ALDH18A1: variants seen among roughly 807,000 people sequenced by gnomAD.
ALDH18A1 encodes the protein delta-1-pyrroline-5-carboxylate synthase.
A neutral mutation model predicts 88.8 loss-of-function variants in ALDH18A1; 44 were observed. That is an observed-to-expected ratio of 0.50 (90% CI 0.39 to 0.64). The LOEUF (loss-of-function observed/expected upper bound fraction) is 0.64, where lower values mean the gene tolerates loss of function less well. Among genes scored for constraint, ALDH18A1 ranks in the 30% least tolerant of loss-of-function variants. ALDH18A1 has a pLI of 0.00. For missense variants in ALDH18A1, 782 were observed against 1,009.5 expected (o/e 0.77, Z 3.05); for synonymous variants, 331 against 372.1 (o/e 0.89, Z 1.27).
intron 2 of ALDH18A1, among the ~76,000 whole-genome samples, chr10:95,646,728 C>A (rs1348997270): frequency 6.6e-6 from 1 of 152,148 alleles, no homozygotes; most frequent in Non-Finnish European, 1.5e-5. Context: ...TTCTAAGGAA[C>A]TTTTAGGCTC....
intron 11 of ALDH18A1, among the ~76,000 whole-genome samples, chr10:95,623,604 T>G (rs181313128): frequency 6.6e-6 from 1 of 151,900 alleles, no homozygotes; most frequent in Non-Finnish European, 1.5e-5. Flanking sequence ...TTGCTCTTGT[T>G]GTCCAGACTG....
intron 6 of ALDH18A1, 148 bp from the exon 7 acceptor site, chr10:95,633,197 C>A: frequency 1.3e-6 from 1 of 777,944 alleles, no homozygotes; most frequent in South Asian, 1.5e-5. Context: ...CTCTTGCAGG[C>A]CCCTTCTGTC....
intron 11 of ALDH18A1, among the ~76,000 whole-genome samples, chr10:95,623,106 C>A (rs2097855431): frequency 6.6e-6 from 1 of 151,372 alleles, no homozygotes; most frequent in Non-Finnish European, 1.5e-5. Flanking sequence ...AAAATTAAAC[C>A]ATCTTTCTAC....
In ALDH18A1 at chr10:95,653,418, T is replaced by C. The variant is rs1311972278; in HGVS notation, c.-28-13A>G. The C allele has an allele frequency of 2.5e-6, 4 of 1,602,650 alleles. No homozygotes were observed. The East Asian group carries it at 6.7e-5, about 27-fold the overall frequency. On this transcript the variant is annotated splice_polypyrimidine_tract_variant and intron_variant, in intron 1 of 17. Coordinates refer to ENST00000371224, the MANE Select transcript of ALDH18A1 (RefSeq NM_002860.4). The stretch of plus-strand genomic sequence containing the variant: ...CTAACCAAAGTATCTGCAGAATACA[T>C]TTTTTAAAAAGTGAGTAATGAAAAA...
rs1317285293 is a variant in ALDH18A1 at position 95,621,262 on chromosome 10, A to G, written c.1247-11T>C. 5 of 1,607,604 alleles carry G rather than the reference A, an allele frequency of 3.1e-6. No individual in the cohort carries two copies. The highest frequency in any genetic ancestry group is 3.4e-6 in the Non-Finnish European group (4 of 1,177,136). ...GAGCTGCAAGTCTCCCTGAAAAGCC[A>G]TTAAGAGGATATGATAAAGTAGCAG... On this transcript the variant is annotated splice_polypyrimidine_tract_variant and intron_variant, in intron 11 of 17. Transcript: ENST00000371224.
intron 12 of ALDH18A1, among the ~76,000 whole-genome samples, chr10:95,618,352 C>T (rs1197750921): frequency 6.6e-6 from 1 of 152,126 alleles, no homozygotes; most frequent in Non-Finnish European, 1.5e-5. Flanking sequence ...GATGGTATCT[C>T]GCCCTGTTGC....
chr10:95,620,576 T>G (rs1046108582), intron 12 of ALDH18A1, among the ~76,000 whole-genome samples: 2 of 152,160 alleles, frequency 1.3e-5, no homozygotes, highest in Non-Finnish European at 2.9e-5. Flanking sequence ...ACGTGGCACA[T>G]ATACACCATG....
At chr10:95,607,786 G>T (rs1823421759) in intron 17 of ALDH18A1, among the ~76,000 whole-genome samples, 3 of 152,236 alleles carry the variant, frequency 2.0e-5, no homozygotes, top group South Asian at 2.1e-4. Flanking sequence ...GCCTCCCTAA[G>T]GAAGTGCCTT....
chr10:95,606,921 T>A lies in ALDH18A1; in HGVS notation c.2229A>T (p.Thr743=). The change falls in exon 18 of 18, where the codon ACA becomes ACT. Residue 743 remains threonine, a synonymous_variant. Transcript: ENST00000371224. ...FGLGAEVGIS[T]SRIHARGPVG... is the part of the protein sequence containing the mutation. ...CTGGTCCCCGGGCGTGGATTCTCGA[T>A]GTACTGATTCCCACTTCAGCTCCTG... is the stretch of plus-strand genomic sequence containing the variant. 1.2e-6 allele frequency: 2 copies of A among 1,614,158 alleles called. No homozygotes were observed. The highest frequency in any genetic ancestry group is 1.7e-4 in the Middle Eastern group (1 of 6,044).
At chr10:95,623,828 G>A (rs2097856666) in intron 11 of ALDH18A1, among the ~76,000 whole-genome samples, 1 of 152,152 alleles carries the variant, frequency 6.6e-6, no homozygotes, top group Non-Finnish European at 1.5e-5. Flanking sequence ...GCCTCCGAAA[G>A]TGCTGGGATT....
chr10:95,640,079 C>A (rs747241505), intron 3 of ALDH18A1, among the ~76,000 whole-genome samples: 4 of 152,182 alleles, frequency 2.6e-5, no homozygotes, highest in Admixed American at 1.3e-4. Context: ...AATGCTGACA[C>A]TCTAACTCAA....
intron 2 of ALDH18A1, among the ~76,000 whole-genome samples, chr10:95,647,664 T>C (rs1335885167): frequency 6.6e-6 from 1 of 152,228 alleles, no homozygotes; most frequent in Non-Finnish European, 1.5e-5. Flanking sequence ...CCCCATACCT[T>C]GGAGGAAGAA....
intron 12 of ALDH18A1, among the ~76,000 whole-genome samples, chr10:95,617,525 A>C (rs1449121354): frequency 2.0e-5 from 3 of 152,210 alleles, no homozygotes; most frequent in Non-Finnish European, 4.4e-5. Context: ...TCTTTTTCCC[A>C]CATGCCTGTC....
At chr10:95,617,476 G>C (rs1257318646) in intron 12 of ALDH18A1, among the ~76,000 whole-genome samples, 1 of 152,224 alleles carries the variant, frequency 6.6e-6, no homozygotes, top group Non-Finnish European at 1.5e-5. Flanking sequence ...GCTCCTGCCA[G>C]CCCCTGGGCA....
chr10:95,641,829 T>TG (rs140838661), intron 3 of ALDH18A1, among the ~76,000 whole-genome samples: 5,105 of 151,994 alleles, frequency 0.034, 117 homozygotes, highest in Non-Finnish European at 0.049. Context: ...TTTGTAGAGA[T>TG]GGGGGTCTCA....
At chr10:95,619,192 C>T (rs1421583467) in intron 12 of ALDH18A1, among the ~76,000 whole-genome samples, 1 of 152,054 alleles carries the variant, frequency 6.6e-6, no homozygotes, top group African/African-American at 2.4e-5. Flanking sequence ...TTCACAATTG[C>T]TACAAAGAGA....
chr10:95,625,302 TA>T, intron 11 of ALDH18A1, 59 bp downstream of exon 11: 4 of 1,464,556 alleles, frequency 2.7e-6, no homozygotes, highest in Non-Finnish European at 3.8e-6. Context: ...TTAGTAAAAC[TA>T]AAAACCAAAA....
chr10:95,628,663 A>C, intron 7 of ALDH18A1, 171 bp from the exon 8 acceptor site: 3 of 706,910 alleles, frequency 4.2e-6, no homozygotes, highest in Non-Finnish European at 7.1e-6. Context: ...ACTGACAAAC[A>C]TCTCCAGGAA....
intron 2 of ALDH18A1, among the ~76,000 whole-genome samples, chr10:95,645,459 C>T (rs1034979613): frequency 1.3e-5 from 2 of 152,104 alleles, no homozygotes; most frequent in East Asian, 3.9e-4. Context: ...TATCTCCTGG[C>T]CGCTAACTCA....
Sources: allele counts gnomAD v4.1 joint callset (sites outside exome capture counted in the v4.1 genomes callset), GRCh38; gene constraint gnomAD v4.1.1; transcripts MANE v1.5; gene names NCBI Gene and HGNC (gene_info 2026-07-23, HGNC 2026-07-21).